SAMMSON: variants seen among roughly 807,000 people sequenced by gnomAD.
The protein encoded by SAMMSON is survival associated mitochondrial melanoma specific oncogenic non-coding RNA.
chr3:70,288,624 C>G (rs1260688863), intron 6 of SAMMSON, among the ~76,000 whole-genome samples: 1 of 151,368 alleles, frequency 6.6e-6, no homozygotes, highest in Non-Finnish European at 1.5e-5. Context: ...TGTTGACTTT[C>G]TGTCTCGTTG....
At chr3:70,242,093 G>A (rs1387991801) in intron 4 of SAMMSON, among the ~76,000 whole-genome samples, 1 of 152,190 alleles carries the variant, frequency 6.6e-6, no homozygotes, top group Non-Finnish European at 1.5e-5. Flanking sequence ...CCAATGATGT[G>A]TACTGCTATT....
intron 2 of SAMMSON, among the ~76,000 whole-genome samples, chr3:70,418,999 C>CTCTT (rs1553664170): frequency 0.015 from 1,765 of 118,994 alleles, 83 homozygotes; most frequent in African/African-American, 0.037. Context: ...CTCTCTCTCT[C>CTCTT]TCTTTCTTTC....
At chr3:70,231,850 T>G (rs1478159842) in intron 4 of SAMMSON, among the ~76,000 whole-genome samples, 1 of 152,202 alleles carries the variant, frequency 6.6e-6, no homozygotes, top group Non-Finnish European at 1.5e-5. Context: ...TGGAAGCTAC[T>G]AAACAGGCCT....
At chr3:70,330,343 C>A (rs1273747127) in intron 7 of SAMMSON, among the ~76,000 whole-genome samples, 1 of 151,912 alleles carries the variant, frequency 6.6e-6, no homozygotes, top group African/African-American at 2.4e-5. Context: ...ACTTTGAGAA[C>A]ATATCAGTAA....
At position 70,237,979 on chromosome 3, in the gene SAMMSON, C is replaced by CTTTTTTTTTTTTTTTTTTT. The variant is rs71672662; in HGVS notation, n.508-11120_508-11102dup. On this transcript the variant is annotated intron_variant and non_coding_transcript_variant, in intron 4 of 9. Transcript: ENST00000642114. Reference sequence around the variant, plus strand: ...GGAAAAGAAACTAATTGAGTGGTATCTTTTTTTTTTTTTTTTTTTTTTTTT... The same window carrying CTTTTTTTTTTTTTTTTTTT: ...GGAAAAGAAACTAATTGAGTGGTATCTTTTTTTTTTTTTTTTTTTTTTTTTTTTTTTTTTTTTTTTTTTT... 3.1e-3 allele frequency among the ~76,000 whole-genome samples: 154 copies of CTTTTTTTTTTTTTTTTTTT among 48,940 alleles called. 52 individuals carry two copies. The highest frequency in any genetic ancestry group is 9.9e-3 in the South Asian group (7 of 710). 32.1% of individuals were successfully genotyped at this position (48,940 alleles called of 152,430 possible). A position where few individuals can be genotyped will look rare whatever the true frequency, so the allele number is the denominator to read the frequency against.
chr3:70,304,842 C>A (rs528514896), intron 7 of SAMMSON, among the ~76,000 whole-genome samples: 9 of 152,302 alleles, frequency 5.9e-5, no homozygotes, highest in African/African-American at 1.9e-4. Context: ...AACTGACCAA[C>A]AAGGTTCTGC....
chr3:70,287,801 C>T (rs1387397738), intron 6 of SAMMSON, among the ~76,000 whole-genome samples: 11 of 148,958 alleles, frequency 7.4e-5, no homozygotes, highest in African/African-American at 1.5e-4. Context: ...GTGTATGTGT[C>T]GAGGAATTTA....
chr3:70,174,180 C>A (rs1044712566), intron 4 of SAMMSON, among the ~76,000 whole-genome samples: 4 of 151,902 alleles, frequency 2.6e-5, no homozygotes, highest in Non-Finnish European at 5.9e-5. Flanking sequence ...GATTTGTATT[C>A]ATTTTCAGGT....
At chr3:70,400,923 C>T (rs1428521885) in intron 2 of SAMMSON, among the ~76,000 whole-genome samples, 2 of 152,110 alleles carry the variant, frequency 1.3e-5, no homozygotes, top group African/African-American at 4.8e-5. Context: ...CAGAGCAAGA[C>T]CCTGTCTCAA....
intron 4 of SAMMSON, among the ~76,000 whole-genome samples, chr3:70,177,605 T>G (rs1168261242): frequency 6.6e-6 from 1 of 152,168 alleles, no homozygotes; most frequent in Non-Finnish European, 1.5e-5. Context: ...ACCTGGTATG[T>G]CACCTCATAT....
intron 4 of SAMMSON, among the ~76,000 whole-genome samples, chr3:70,200,791 G>A (rs1349386895): frequency 6.6e-6 from 1 of 152,070 alleles, no homozygotes; most frequent in Admixed American, 6.6e-5. Context: ...TAGATGCAAG[G>A]ACTAAGGTTC....
At chr3:70,106,109 A>G (rs991980272) in intron 4 of SAMMSON, among the ~76,000 whole-genome samples, 1 of 152,176 alleles carries the variant, frequency 6.6e-6, no homozygotes, top group Non-Finnish European at 1.5e-5. Context: ...TGTGCAATTA[A>G]CTTCTTGACT....
intron 3 of SAMMSON, among the ~76,000 whole-genome samples, chr3:70,035,760 C>T (rs2067083078): frequency 1.3e-5 from 2 of 152,142 alleles, no homozygotes; most frequent in South Asian, 4.1e-4. Context: ...AGGGTCTAGT[C>T]ATTTTCAAAC....
chr3:70,128,117 T>TG (rs1330623982), intron 4 of SAMMSON, among the ~76,000 whole-genome samples: 2 of 152,212 alleles, frequency 1.3e-5, no homozygotes, highest in African/African-American at 2.4e-5. Context: ...TAAATGTGTC[T>TG]GGGGGAGCAT....
intron 9 of SAMMSON, among the ~76,000 whole-genome samples, chr3:70,383,682 C>A (rs1703093255): frequency 6.6e-6 from 1 of 151,872 alleles, no homozygotes; most frequent in Admixed American, 6.6e-5. Context: ...TGATTGGTGC[C>A]ACTGCAAAGC....
intron 2 of SAMMSON, among the ~76,000 whole-genome samples, chr3:70,410,918 C>T (rs929155624): frequency 2.0e-5 from 3 of 152,138 alleles, no homozygotes; most frequent in Non-Finnish European, 2.9e-5. Context: ...TTACTTTATG[C>T]TTTCAATCTA....
chr3:70,133,530 G>A (rs190546576), intron 4 of SAMMSON, among the ~76,000 whole-genome samples: 1 of 152,132 alleles, frequency 6.6e-6, no homozygotes, highest in Non-Finnish European at 1.5e-5. Flanking sequence ...TGAGCCCAAA[G>A]GGAGGTTATG....
chr3:70,095,626 G>A (rs2067320492), intron 4 of SAMMSON, among the ~76,000 whole-genome samples: 2 of 152,152 alleles, frequency 1.3e-5, no homozygotes, highest in African/African-American at 2.4e-5. Context: ...GGGAACCTGA[G>A]CACTCAATTT....
chr3:70,378,374 T>G (rs1224026960), intron 9 of SAMMSON, among the ~76,000 whole-genome samples: 1 of 151,966 alleles, frequency 6.6e-6, no homozygotes. Flanking sequence ...GTCTATAGAA[T>G]GATTGTACTT....
Sources: gnomAD v4.1 joint callset for allele counts (sites outside exome capture counted in the v4.1 genomes callset) on GRCh38, gnomAD v4.1.1 for gene constraint, MANE v1.5 for transcripts, NCBI Gene and HGNC (gene_info 2026-07-23, HGNC 2026-07-21) for gene names.